Variants in LRFN5 observed in about 807,000 individuals in gnomAD.
The protein encoded by LRFN5 is leucine rich repeat and fibronectin type III domain containing 5.
Under a neutral mutation model 45.6 loss-of-function variants are expected in LRFN5, and 24 were observed. The ratio of observed to expected loss-of-function variants is 0.53; its 90% CI spans 0.38 to 0.74. The LOEUF (loss-of-function observed/expected upper bound fraction) is 0.74. LRFN5 is among the 30% of genes least tolerant of loss of function. The pLI is 0.00. For missense variants in LRFN5, 776 were observed against 861.5 expected (o/e 0.90, Z 1.24); for synonymous variants, 340 against 313.8 (o/e 1.08, Z -0.88).
intron 2 of LRFN5, among the ~76,000 whole-genome samples, chr14:41,782,164 G>A (rs915066365): frequency 2.6e-5 from 4 of 151,448 alleles, no homozygotes; most frequent in Non-Finnish European, 5.9e-5. Context: ...CTTTTTTAAT[G>A]TTTAACCTTT....
intron 2 of LRFN5, among the ~76,000 whole-genome samples, chr14:41,862,488 G>A (rs1047339209): frequency 6.7e-6 from 1 of 149,340 alleles, no homozygotes; most frequent in Non-Finnish European, 1.5e-5. Context: ...CTTTTTTTTC[G>A]TGATTGCATA....
chr14:41,854,273 TGTGTCCCTACAAA>T (rs1187760367), intron 2 of LRFN5, among the ~76,000 whole-genome samples: 2 of 151,986 alleles, frequency 1.3e-5, no homozygotes, highest in East Asian at 3.9e-4. Context: ...CAGCTTCATC[TGTGTCCCTACAAA>T]GGACATGAAC....
intron 1 of LRFN5, among the ~76,000 whole-genome samples, chr14:41,687,856 A>G (rs1302181898): frequency 6.6e-6 from 1 of 152,222 alleles, no homozygotes; most frequent in Non-Finnish European, 1.5e-5. Context: ...AGGATGGTTA[A>G]TAGATGCAGC....
intron 1 of LRFN5, among the ~76,000 whole-genome samples, chr14:41,693,544 T>G (rs1882473712): frequency 6.6e-6 from 1 of 152,034 alleles, no homozygotes; most frequent in Non-Finnish European, 1.5e-5. Context: ...TTAGTTTTTT[T>G]GTAGAAATTT....
intron 5 of LRFN5, among the ~76,000 whole-genome samples, chr14:41,899,342 C>G (rs1327136363): frequency 6.6e-6 from 1 of 152,066 alleles, no homozygotes; most frequent in African/African-American, 2.4e-5. Context: ...CCTCCACATC[C>G]TAATTAGAGC....
At chr14:41,747,637 G>A (rs905357651) in intron 1 of LRFN5, among the ~76,000 whole-genome samples, 1 of 151,866 alleles carries the variant, frequency 6.6e-6, no homozygotes, top group African/African-American at 2.4e-5. Flanking sequence ...TGACAGCAGA[G>A]GCATAGCCAA....
chr14:41,774,974 A>G (rs1247201274), intron 2 of LRFN5, among the ~76,000 whole-genome samples: 1 of 152,196 alleles, frequency 6.6e-6, no homozygotes, highest in Admixed American at 6.5e-5. Context: ...CCTCTTAGGA[A>G]TAATGAAGGA....
intron 2 of LRFN5, among the ~76,000 whole-genome samples, chr14:41,812,693 A>G (rs561920245): frequency 5.7e-4 from 86 of 152,164 alleles, no homozygotes; most frequent in African/African-American, 1.5e-3. Context: ...CTTTGCTTGA[A>G]CAAAATGATT....
At chr14:41,662,186 T>A (rs556795249) in intron 1 of LRFN5, among the ~76,000 whole-genome samples, 2 of 152,158 alleles carry the variant, frequency 1.3e-5, no homozygotes, top group Admixed American at 1.3e-4. Context: ...ATTAAGAGTA[T>A]CAAATATTGT....
rs1055745907 is a variant in LRFN5, at chr14:41,660,504, C to T, written c.-197+51942C>T. The stretch of plus-strand genomic sequence containing the variant: ...AAACATGCTGTTGTTGTCTACATAG[C>T]TGTGCCAGCATTTTCTATGCATGTT... On this transcript the variant is annotated intron_variant, in intron 1 of 5. Coordinates refer to ENST00000298119, the MANE Select transcript of LRFN5 (RefSeq NM_152447.5). Among the ~76,000 whole-genome samples the T allele has an allele frequency of 2.0e-5, 3 of 152,184 alleles. No homozygotes were observed. In the East Asian group the frequency reaches 5.8e-4, roughly 29 times the overall value.
intron 1 of LRFN5, among the ~76,000 whole-genome samples, chr14:41,714,421 CTG>C (rs1425275689): frequency 6.6e-6 from 1 of 152,156 alleles, no homozygotes; most frequent in Admixed American, 6.5e-5. Context: ...AGAATTGTTA[CTG>C]AACTATATAA....
chr14:41,650,266 C>CACACACACAAAA (rs1247683262), intron 1 of LRFN5, among the ~76,000 whole-genome samples: 102 of 135,484 alleles, frequency 7.5e-4, no homozygotes, highest in East Asian at 6.1e-3. Context: ...CACACACACA[C>CACACACACAAAA]AAAAAAAAAA....
At chr14:41,864,481 G>A (rs537693608) in intron 2 of LRFN5, among the ~76,000 whole-genome samples, 1 of 152,264 alleles carries the variant, frequency 6.6e-6, no homozygotes, top group Admixed American at 6.5e-5. Flanking sequence ...TTTGAGAAGT[G>A]TTTGTTCTCC....
chr14:41,873,949 C>T (rs1257931005), intron 2 of LRFN5, among the ~76,000 whole-genome samples: 1 of 152,116 alleles, frequency 6.6e-6, no homozygotes, highest in Non-Finnish European at 1.5e-5. Context: ...AGAGATTCAC[C>T]TTTCAGAATT....
intron 1 of LRFN5, among the ~76,000 whole-genome samples, chr14:41,640,761 A>G (rs1032635404): frequency 1.2e-4 from 18 of 152,134 alleles, no homozygotes; most frequent in African/African-American, 3.1e-4. Context: ...TAACAAACAA[A>G]TAATATCTAG....
chr14:41,894,725 T>G, intron 4 of LRFN5: 10 of 984,936 alleles, frequency 1.0e-5, no homozygotes, highest in Non-Finnish European at 1.2e-5. Flanking sequence ...GATGAATGAA[T>G]GAGTAAATGA....
chr14:41,610,299 G>A (rs1887696011), intron 1 of LRFN5, among the ~76,000 whole-genome samples: 1 of 152,122 alleles, frequency 6.6e-6, no homozygotes, highest in East Asian at 1.9e-4. Flanking sequence ...GAATATGGAA[G>A]GAAAGCTGGC....
chr14:41,881,959 G>C (rs1290298762), intron 2 of LRFN5, among the ~76,000 whole-genome samples: 1 of 152,026 alleles, frequency 6.6e-6, no homozygotes, highest in Admixed American at 6.6e-5. Flanking sequence ...GGGTGTCTCT[G>C]GATCTGCTTC....
chr14:41,650,879 CAGAGAAAG>C (rs1566603800), intron 1 of LRFN5, among the ~76,000 whole-genome samples: 1 of 89,818 alleles, frequency 1.1e-5, no homozygotes, highest in African/African-American at 5.0e-5. Flanking sequence ...AACAAAGAGA[CAGAGAAAG>C]AGAGAGAGAG....
Sources: allele counts gnomAD v4.1 joint callset (sites outside exome capture counted in the v4.1 genomes callset), GRCh38; gene constraint gnomAD v4.1.1; transcripts MANE v1.5; gene names NCBI Gene and HGNC (gene_info 2026-07-23, HGNC 2026-07-21).